POLD3: variants seen among roughly 807,000 people sequenced by gnomAD.
The protein encoded by POLD3 is DNA polymerase delta subunit 3.
Under a neutral mutation model 58.2 loss-of-function variants are expected in POLD3, and 19 were observed. That is an observed-to-expected ratio of 0.33 (90% confidence interval 0.23 to 0.48). The LOEUF (loss-of-function observed/expected upper bound fraction) is 0.48. POLD3 is among the 20% of genes least tolerant of loss of function. POLD3 has a pLI of 0.99. For missense variants in POLD3, 504 were observed against 545.5 expected, an observed-to-expected ratio of 0.92 and a Z score of 0.76; for synonymous variants, 172 against 193.5, an observed-to-expected ratio of 0.89 and a Z score of 0.92.
At chr11:74,613,820 G>C (rs1181691073) in intron 5 of POLD3, among the ~76,000 whole-genome samples, 1 of 152,224 alleles carries the variant, frequency 6.6e-6, no homozygotes, top group African/African-American at 2.4e-5. Flanking sequence ...GGCAGTTATG[G>C]TACAGTGTAA....
At chr11:74,594,738 C>T (rs528448362) in intron 2 of POLD3, among the ~76,000 whole-genome samples, 7 of 152,306 alleles carry the variant, frequency 4.6e-5, no homozygotes, top group East Asian at 1.9e-4. Flanking sequence ...CTCACAGTTC[C>T]GCATGGCTGG....
chr11:74,658,184 A>G (rs1004671027), intron 4 of POLD3, among the ~76,000 whole-genome samples: 2 of 152,222 alleles, frequency 1.3e-5, no homozygotes, highest in African/African-American at 4.8e-5. Flanking sequence ...CACTTCTTAC[A>G]TGGCAGCAGC....
intron 4 of POLD3, among the ~76,000 whole-genome samples, chr11:74,650,660 T>C (rs1237481018): frequency 6.6e-6 from 1 of 152,174 alleles, no homozygotes; most frequent in East Asian, 1.9e-4. Flanking sequence ...ACTGTCCCCT[T>C]GTGGTTTGCA....
At chr11:74,594,148 A>G (rs571700090) in intron 2 of POLD3, 32 bp downstream of exon 2, 2 of 1,357,522 alleles carry the variant, frequency 1.5e-6, no homozygotes, top group South Asian at 1.2e-5. Context: ...TTTTAATCAT[A>G]TTGGAATTTT....
chr11:74,625,049 T>C (rs2032385580), intron 7 of POLD3, among the ~76,000 whole-genome samples: 1 of 152,238 alleles, frequency 6.6e-6, no homozygotes, highest in Non-Finnish European at 1.5e-5. Context: ...CAAATCGTTG[T>C]CACCATTTGT....
intron 4 of POLD3, among the ~76,000 whole-genome samples, chr11:74,668,097 G>C (rs2033294480): frequency 6.6e-6 from 1 of 152,214 alleles, no homozygotes; most frequent in Non-Finnish European, 1.5e-5. Context: ...TGTGGATGTG[G>C]ATAAATTTGG....
At chr11:74,615,488 G>A (rs1195812071) in intron 5 of POLD3, among the ~76,000 whole-genome samples, 1 of 152,228 alleles carries the variant, frequency 6.6e-6, no homozygotes, top group East Asian at 1.9e-4. Context: ...AGCATTTTCA[G>A]TGGAGTGACC....
chr11:74,634,552 T>C (rs770656654), intron 9 of POLD3, 31 bp from the exon 10 acceptor site: 1 of 1,167,180 alleles, frequency 8.6e-7, no homozygotes, highest in South Asian at 1.2e-5. Context: ...TGCTTGTAGT[T>C]CTCTGATCTA....
intron 9 of POLD3, among the ~76,000 whole-genome samples, chr11:74,632,877 T>TATAC (rs1263669028): frequency 8.6e-6 from 1 of 115,730 alleles, no homozygotes; most frequent in African/African-American, 4.3e-5. Context: ...TTTAAGTAAA[T>TATAC]ACACACACAC....
At position 74,612,865 on chromosome 11, in the gene POLD3, T is replaced by C; in HGVS notation, c.260-13T>C. 6.2e-7 allele frequency: 1 copy of C among 1,602,092 alleles called. No homozygotes were observed. The highest frequency in any genetic ancestry group is 8.5e-7 in the Non-Finnish European group (1 of 1,176,106). ...TTGTGTATTAACTGACTGCTTTTCC[T>C]GTTGACTTGTAGCAGTGAAGTCCAA... is the stretch of plus-strand genomic sequence containing the variant. On this transcript the variant is annotated splice_polypyrimidine_tract_variant and intron_variant, in intron 4 of 11. Transcript: ENST00000263681.
At chr11:74,660,031 G>A (rs1452337323) in intron 4 of POLD3, among the ~76,000 whole-genome samples, 1 of 152,164 alleles carries the variant, frequency 6.6e-6, no homozygotes, top group Non-Finnish European at 1.5e-5. Context: ...AAGAAAAAGA[G>A]GTTTAATTGG....
intron 4 of POLD3, among the ~76,000 whole-genome samples, chr11:74,666,045 G>A (rs1365952958): frequency 6.6e-6 from 1 of 152,136 alleles, no homozygotes; most frequent in Non-Finnish European, 1.5e-5. Context: ...AATATGTTAA[G>A]TTCAACAAGG....
chr11:74,641,143 GT>G lies in POLD3; in HGVS notation c.*379del, dbSNP rs1310538406. 1.2e-5 allele frequency: 12 copies of G among 992,756 alleles called. No individual in the cohort carries two copies. The highest frequency in any genetic ancestry group is 1.4e-5 in the Non-Finnish European group (12 of 835,120). The allele number at this position is 992,756 out of a possible 1,614,324, so 61.5% of individuals were successfully genotyped here. On this transcript the variant is annotated 3_prime_UTR_variant, in exon 12 of 12. Transcript: ENST00000263681. ...TATGGCACAGGAATTATTCCTTCTT[GT>G]TCCTCTGTATTCTAAGAATTCATGT...
At chr11:74,610,963 CAG>C (rs2031890928) in intron 3 of POLD3, among the ~76,000 whole-genome samples, 2 of 152,076 alleles carry the variant, frequency 1.3e-5, no homozygotes, top group Admixed American at 1.3e-4. Flanking sequence ...TTAGTAGAGA[CAG>C]GGTCTCACCA....
At chr11:74,669,040 A>T (rs1331676815) in exon 5 of POLD3, 1 of 335,166 alleles carries the variant, frequency 3.0e-6, no homozygotes, top group Non-Finnish European at 5.8e-6. Context: ...TTCAAATGAT[A>T]AGATGGGTGT....
downstream of POLD3, among the ~76,000 whole-genome samples, chr11:74,645,095 C>G (rs1345846178): frequency 1.3e-5 from 2 of 152,090 alleles, no homozygotes; most frequent in Non-Finnish European, 2.9e-5. Context: ...TGACACAATG[C>G]TTAGATGAGT....
intron 4 of POLD3, among the ~76,000 whole-genome samples, chr11:74,660,835 T>A (rs1246121025): frequency 6.6e-6 from 1 of 152,110 alleles, no homozygotes; most frequent in East Asian, 1.9e-4. Context: ...AATGAAACCT[T>A]TTTCTTTATA....
chr11:74,648,369 A>T (rs189420546), intron 4 of POLD3, among the ~76,000 whole-genome samples: 486 of 152,172 alleles, frequency 3.2e-3, no homozygotes, highest in Non-Finnish European at 5.5e-3. Flanking sequence ...AGTCTTTCTG[A>T]CTTGAAGTCT....
At chr11:74,649,726 G>A (rs2033044046) in intron 4 of POLD3, among the ~76,000 whole-genome samples, 1 of 152,100 alleles carries the variant, frequency 6.6e-6, no homozygotes, top group Admixed American at 6.6e-5. Context: ...GTTGCTTTTT[G>A]GCCACGTGCG....
Sources: gnomAD v4.1 joint callset for allele counts (sites outside exome capture counted in the v4.1 genomes callset) on GRCh38, gnomAD v4.1.1 for gene constraint, MANE v1.5 for transcripts, NCBI Gene and HGNC (gene_info 2026-07-23, HGNC 2026-07-21) for gene names.